The following SPON2 variants were observed in gnomAD, a reference collection of about 807,000 sequenced individuals.
SPON2 encodes spondin-2.
Under a neutral mutation model 29.9 loss-of-function variants are expected in SPON2, and 32 were observed. That is an observed-to-expected ratio of 1.07 (90% CI 0.81 to 1.44). SPON2 has a LOEUF of 1.44. SPON2 is among the 40% of genes most tolerant of loss of function. SPON2 has a pLI of 0.00. For synonymous variants in SPON2, 248 were observed against 209.1 expected (o/e 1.19, Z -1.61); for missense variants, 541 against 455.5 (o/e 1.19, Z -1.71).
chr4:1,170,976 G>C, intron 4 of SPON2, 23 bp downstream of exon 4: 1 of 1,546,238 alleles, frequency 6.5e-7, no homozygotes, highest in Non-Finnish European at 8.7e-7. Context: ...AGCGGCCCTT[G>C]CGCACGCGGG....
chr4:1,201,263 C>A (rs1345876185), intron 1 of SPON2: 1 of 390,170 alleles, frequency 2.6e-6, no homozygotes, highest in Non-Finnish European at 5.3e-6. Context: ...CCCATGCCCG[C>A]CCTACCTGCC....
chr4:1,171,302 C>T lies in SPON2; in HGVS notation c.405G>A (p.Gln135=), dbSNP rs371601094. The part of the protein sequence containing the change: ...SAPAVPSGTG[Q]TSAELEVQRR... ...GCTGCACCTCCAGCTCCGCCGACGTCTGCCCGGTGCCGCTGGGGACGGCGG... is the reference window on the plus strand; with the variant it reads ...GCTGCACCTCCAGCTCCGCCGACGTTTGCCCGGTGCCGCTGGGGACGGCGG... The change falls in exon 3 of 6, where the codon CAG becomes CAA. Residue 135 remains glutamine (Q), a synonymous_variant. Coordinates refer to ENST00000290902, the MANE Select transcript of SPON2 (RefSeq NM_012445.4). 1.9e-6 allele frequency: 3 copies of T among 1,592,794 alleles called. No individual in the cohort carries two copies. Among genetic ancestry groups the T allele is most frequent in the Non-Finnish European group, 2.6e-6 (3 of 1,174,632 alleles).
chr4:1,181,817 T>A (rs186149486), intron 1 of SPON2, among the ~76,000 whole-genome samples: 1 of 152,368 alleles, frequency 6.6e-6, no homozygotes, highest in African/African-American at 2.4e-5. Context: ...ATTGCTGTTC[T>A]GATCACAAGA....
chr4:1,169,666 A>G (rs1288513319), intron 5 of SPON2: 1 of 152,412 alleles, frequency 6.6e-6, no homozygotes, highest in African/African-American at 2.4e-5. Flanking sequence ...GACGGGGCCC[A>G]TGGCCAGGTT....
intron 5 of SPON2, chr4:1,169,811 C>G (rs1300867741): frequency 6.4e-6 from 1 of 156,252 alleles, no homozygotes; most frequent in African/African-American, 2.4e-5. Context: ...CCCAGCAATG[C>G]GCTCCAGACC....
At chr4:1,189,769 A>G (rs929568452) in intron 1 of SPON2, among the ~76,000 whole-genome samples, 1 of 151,848 alleles carries the variant, frequency 6.6e-6, no homozygotes, top group East Asian at 1.9e-4. Context: ...CGGGCGGATC[A>G]CAAGGTCGGG....
At position 1,167,790 on chromosome 4, in the gene SPON2, C is replaced by T. The variant is rs1727294965; in HGVS notation, c.812-134G>A. ...CCCTTCGGGGGCACTTGCGTTTCTC[C>T]GCACAGTCGCAGAGTGAGCGGCAAG... On this transcript the variant is annotated intron_variant, in intron 5 of 5. Transcript: ENST00000290902. 15 of 928,902 alleles carry T rather than the reference C, an allele frequency of 1.6e-5. No individual in the cohort carries two copies. In the East Asian group the frequency reaches 3.0e-4, roughly 18 times the overall value. 57.5% of individuals were successfully genotyped at this position (928,902 alleles called of 1,614,324 possible).
intron 1 of SPON2, among the ~76,000 whole-genome samples, chr4:1,190,109 T>C (rs919461327): frequency 7.2e-5 from 11 of 151,798 alleles, no homozygotes; most frequent in African/African-American, 2.7e-4. Flanking sequence ...ACATTACTAA[T>C]GACATTACAG....
At chr4:1,187,567 C>T (rs1311863797) in intron 1 of SPON2, among the ~76,000 whole-genome samples, 1 of 152,092 alleles carries the variant, frequency 6.6e-6, no homozygotes, top group African/African-American at 2.4e-5. Flanking sequence ...TCTGTCATTT[C>T]TTTTACTATA....
At chr4:1,192,706 G>T (rs11247978) in intron 1 of SPON2, among the ~76,000 whole-genome samples, 15 of 152,014 alleles carry the variant, frequency 9.9e-5, no homozygotes, top group African/African-American at 3.6e-4. Flanking sequence ...AGGAAGGCTT[G>T]GGGGGTACGG....
chr4:1,186,143 C>G (rs1045638000), intron 1 of SPON2, among the ~76,000 whole-genome samples: 2 of 150,480 alleles, frequency 1.3e-5, no homozygotes, highest in South Asian at 2.1e-4. Context: ...ACTCAGGAGG[C>G]TGAGGCAGGA....
chr4:1,181,899 A>G (rs190182727), intron 1 of SPON2, among the ~76,000 whole-genome samples: 1 of 152,320 alleles, frequency 6.6e-6, no homozygotes, highest in East Asian at 1.9e-4. Context: ...GGATGAAGTG[A>G]CTTCATTTTT....
intron 5 of SPON2, 145 bp from the exon 6 acceptor site, chr4:1,167,801 A>G: frequency 2.5e-6 from 2 of 808,350 alleles, no homozygotes; most frequent in Non-Finnish European, 3.7e-6. Flanking sequence ...GCACAGTCGC[A>G]GAGTGAGCGG....
At chr4:1,178,159 T>G (rs1359169303), upstream of SPON2, among the ~76,000 whole-genome samples, 1 of 140,670 alleles carries the variant, frequency 7.1e-6, no homozygotes, top group Non-Finnish European at 1.5e-5. Flanking sequence ...AGGGCCTCCC[T>G]CCGGCCAGGC....
intron 1 of SPON2, among the ~76,000 whole-genome samples, chr4:1,182,225 G>C (rs1393339872): frequency 6.6e-6 from 1 of 151,824 alleles, no homozygotes; most frequent in Non-Finnish European, 1.5e-5. Context: ...CCCATTTAAA[G>C]AAAAAAAGTC....
At chr4:1,208,493 G>C (rs1254644469), upstream of SPON2, 1 of 152,226 alleles carries the variant, frequency 6.6e-6, no homozygotes, top group Non-Finnish European at 1.5e-5. Flanking sequence ...CCGCAGGAGA[G>C]TTCCCCACCA....
At chr4:1,197,042 C>A (rs1728084802), upstream of SPON2, 1 of 152,240 alleles carries the variant, frequency 6.6e-6, no homozygotes, top group Non-Finnish European at 1.5e-5. Flanking sequence ...AACATGGGAG[C>A]TAAACTCGGA....
chr4:1,174,578 C>CGG (rs1727556304), upstream of SPON2, among the ~76,000 whole-genome samples: 1 of 151,764 alleles, frequency 6.6e-6, no homozygotes, highest in Admixed American at 6.6e-5. Context: ...TGGGTTATAC[C>CGG]TATGGATACT....
intron 1 of SPON2, chr4:1,201,175 G>T: frequency 4.4e-6 from 2 of 452,978 alleles, no homozygotes; most frequent in South Asian, 1.6e-5. Context: ...AGGTGCCCCA[G>T]TTCCTCCAGC....
Sources: gnomAD v4.1 joint callset for allele counts (sites outside exome capture counted in the v4.1 genomes callset) on GRCh38, gnomAD v4.1.1 for gene constraint, MANE v1.5 for transcripts, NCBI Gene and HGNC (gene_info 2026-07-23, HGNC 2026-07-21) for gene names.